Variants in GULP1 observed in about 807,000 individuals in gnomAD.
GULP1 encodes GULP PTB domain containing engulfment adaptor 1.
Under a neutral mutation model 40.9 loss-of-function variants are expected in GULP1, and 19 were observed. That is an observed-to-expected ratio of 0.46 (90% CI 0.32 to 0.68). The LOEUF (loss-of-function observed/expected upper bound fraction) is 0.68. GULP1 is among the 30% of genes least tolerant of loss of function. GULP1 has a pLI of 0.03. For missense variants in GULP1, 312 were observed against 362.2 expected (o/e 0.86, Z 1.12); for synonymous variants, 119 against 117.6 (o/e 1.01, Z -0.08).
chr2:188,400,318 T>G (rs1470349937), intron 2 of GULP1, among the ~76,000 whole-genome samples: 1 of 152,184 alleles, frequency 6.6e-6, no homozygotes, highest in Admixed American at 6.5e-5. Flanking sequence ...AATAATTTTA[T>G]CTTAAGATTC....
At chr2:188,464,194 G>T (rs1324164395) in intron 2 of GULP1, among the ~76,000 whole-genome samples, 1 of 152,144 alleles carries the variant, frequency 6.6e-6, no homozygotes, top group African/African-American at 2.4e-5. Flanking sequence ...CTTAGTTGTT[G>T]TGATTTAAGC....
At chr2:188,419,810 T>G (rs1274672480) in intron 2 of GULP1, among the ~76,000 whole-genome samples, 1 of 152,206 alleles carries the variant, frequency 6.6e-6, no homozygotes, top group South Asian at 2.1e-4. Flanking sequence ...TTAGGTTTTC[T>G]TTTAGGAGTT....
intron 1 of GULP1, among the ~76,000 whole-genome samples, chr2:188,331,071 A>G (rs543302275): frequency 2.6e-5 from 4 of 152,332 alleles, no homozygotes; most frequent in African/African-American, 4.8e-5. Context: ...AGCACTCCCT[A>G]CAAAACATAT....
At chr2:188,552,406 AGAG>A (rs1693706839) in intron 7 of GULP1, among the ~76,000 whole-genome samples, 2 of 151,988 alleles carry the variant, frequency 1.3e-5, no homozygotes, top group South Asian at 2.1e-4. Context: ...CATTAATTGA[AGAG>A]GATGTTCTTT....
chr2:188,369,484 G>A (rs759377692), intron 1 of GULP1, among the ~76,000 whole-genome samples: 3 of 151,994 alleles, frequency 2.0e-5, no homozygotes, highest in Non-Finnish European at 4.4e-5. Context: ...AAGAGAACCC[G>A]GGGAAGATGG....
At chr2:188,409,006 A>C (rs926410603) in intron 2 of GULP1, among the ~76,000 whole-genome samples, 1 of 152,194 alleles carries the variant, frequency 6.6e-6, no homozygotes, top group Non-Finnish European at 1.5e-5. Context: ...CTAAGAAGAA[A>C]GTTTAGGGCA....
At chr2:188,509,682 A>G (rs2064304881) in intron 4 of GULP1, among the ~76,000 whole-genome samples, 1 of 152,078 alleles carries the variant, frequency 6.6e-6, no homozygotes, top group Non-Finnish European at 1.5e-5. Context: ...TTTCTTAAAA[A>G]TGGCTTAAGA....
chr2:188,508,225 TA>T (rs1335154196), intron 4 of GULP1, among the ~76,000 whole-genome samples: 8 of 152,024 alleles, frequency 5.3e-5, no homozygotes, highest in African/African-American at 1.9e-4. Flanking sequence ...AAGCATTACA[TA>T]ACTTTACTAA....
chr2:188,328,493 G>A (rs980677679), intron 1 of GULP1, among the ~76,000 whole-genome samples: 3 of 152,088 alleles, frequency 2.0e-5, no homozygotes, highest in East Asian at 1.9e-4. Context: ...GGCCTAGGAG[G>A]TGCTACTAGA....
intron 2 of GULP1, among the ~76,000 whole-genome samples, chr2:188,426,986 T>C (rs992564905): frequency 6.6e-6 from 1 of 152,142 alleles, no homozygotes; most frequent in Non-Finnish European, 1.5e-5. Context: ...GAAGAATTTA[T>C]TGGGAACTGG....
At chr2:188,387,526 G>T (rs955234701) in intron 2 of GULP1, among the ~76,000 whole-genome samples, 2 of 152,126 alleles carry the variant, frequency 1.3e-5, no homozygotes, top group Non-Finnish European at 2.9e-5. Flanking sequence ...TGACAAGAAA[G>T]AAGTAAAATA....
intron 2 of GULP1, among the ~76,000 whole-genome samples, chr2:188,470,519 C>A (rs888396278): frequency 2.0e-5 from 3 of 151,920 alleles, no homozygotes; most frequent in Non-Finnish European, 2.9e-5. Flanking sequence ...TTATTTGAAG[C>A]TTTTCTTCTT....
chr2:188,429,055 G>A (rs1435988849), intron 2 of GULP1, among the ~76,000 whole-genome samples: 1 of 152,092 alleles, frequency 6.6e-6, no homozygotes, highest in Admixed American at 6.6e-5. Context: ...TTAGATAGAG[G>A]AAACATGACT....
At chr2:188,555,095 A>T (rs1286859401) in intron 7 of GULP1, among the ~76,000 whole-genome samples, 1 of 152,100 alleles carries the variant, frequency 6.6e-6, no homozygotes. Flanking sequence ...AAATCAATTC[A>T]TTCATACTAT....
chr2:188,541,042 G>C, intron 6 of GULP1, 139 bp from the exon 7 acceptor site: 2 of 702,502 alleles, frequency 2.8e-6, no homozygotes, highest in Non-Finnish European at 4.7e-6. Flanking sequence ...TTTTAGGTTG[G>C]GGTGTACATA....
chr2:188,362,460 C>A (rs1226712639), intron 1 of GULP1, among the ~76,000 whole-genome samples: 1 of 152,004 alleles, frequency 6.6e-6, no homozygotes, highest in Non-Finnish European at 1.5e-5. Flanking sequence ...ATTGATGATG[C>A]CTTACTCACC....
At chr2:188,552,877 A>T (rs1180068111) in intron 7 of GULP1, among the ~76,000 whole-genome samples, 1 of 150,298 alleles carries the variant, frequency 6.7e-6, no homozygotes, top group Non-Finnish European at 1.5e-5. Flanking sequence ...TTATTCCTAT[A>T]TATGTATATA....
chr2:188,560,992 T>A (rs1051789814), intron 7 of GULP1, among the ~76,000 whole-genome samples: 1 of 152,172 alleles, frequency 6.6e-6, no homozygotes, highest in Admixed American at 6.5e-5. Context: ...AGATTACAAT[T>A]TAATATGAGA....
At chr2:188,352,477 AG>A (rs2044586851) in intron 1 of GULP1, among the ~76,000 whole-genome samples, 1 of 152,208 alleles carries the variant, frequency 6.6e-6, no homozygotes, top group African/African-American at 2.4e-5. Context: ...AAACTACGCC[AG>A]GTTGTTGACT....
Sources: allele counts gnomAD v4.1 joint callset (sites outside exome capture counted in the v4.1 genomes callset), GRCh38; gene constraint gnomAD v4.1.1; transcripts MANE v1.5; gene names NCBI Gene and HGNC (gene_info 2026-07-23, HGNC 2026-07-21).